The following THRB variants were observed in gnomAD, a reference collection of about 807,000 sequenced individuals.
THRB encodes the protein thyroid hormone receptor beta.
THRB carries 12 observed loss-of-function variants against 47.8 expected under a neutral mutation model. The ratio of observed to expected loss-of-function variants is 0.25; its 90% CI spans 0.16 to 0.41. THRB has a LOEUF of 0.41. Among genes scored for constraint, THRB ranks in the 10% least tolerant of loss-of-function variants. The pLI, the probability that THRB is intolerant of heterozygous loss-of-function variation, is 1.00. For missense variants in THRB, 348 were observed against 589.2 expected, an observed-to-expected ratio of 0.59 and a Z score of 4.24; for synonymous variants, 218 against 212.2, an observed-to-expected ratio of 1.03 and a Z score of -0.24.
At chr3:24,311,493 A>G (rs1240687683) in intron 2 of THRB, among the ~76,000 whole-genome samples, 3 of 152,124 alleles carry the variant, frequency 2.0e-5, no homozygotes, top group African/African-American at 7.2e-5. Context: ...AGAAAACCTG[A>G]TCTTAGATTA....
At chr3:24,267,603 A>G (rs958689589) in intron 3 of THRB, among the ~76,000 whole-genome samples, 1 of 152,138 alleles carries the variant, frequency 6.6e-6, no homozygotes, top group African/African-American at 2.4e-5. Context: ...TCTGATCACC[A>G]TTGATATTTG....
chr3:24,236,434 T>G (rs756043389), intron 3 of THRB, among the ~76,000 whole-genome samples: 1 of 151,998 alleles, frequency 6.6e-6, no homozygotes, highest in Non-Finnish European at 1.5e-5. Flanking sequence ...ATGTAAGGTA[T>G]TGGGAGACTT....
chr3:24,449,820 T>C (rs1390831670), intron 1 of THRB, among the ~76,000 whole-genome samples: 1 of 152,168 alleles, frequency 6.6e-6, no homozygotes, highest in African/African-American at 2.4e-5. Context: ...GAAGATTAAG[T>C]TTGAGTGAAT....
chr3:24,250,411 G>A (rs2050545337), intron 3 of THRB, among the ~76,000 whole-genome samples: 1 of 152,160 alleles, frequency 6.6e-6, no homozygotes. Context: ...TGAAATGTAT[G>A]AAGTGCCGGG....
At chr3:24,286,133 C>A (rs2055266106) in intron 3 of THRB, among the ~76,000 whole-genome samples, 1 of 152,178 alleles carries the variant, frequency 6.6e-6, no homozygotes, top group African/African-American at 2.4e-5. Context: ...GACAGTGAAT[C>A]TGCTGATACC....
rs919349456 is a variant in THRB at position 24,120,239 on chromosome 3, T to C, written c.*2645A>G. 1.3e-5 allele frequency: 2 copies of C among 152,212 alleles called. No homozygotes were observed. The highest frequency in any genetic ancestry group is 4.8e-5 in the African/African-American group (2 of 41,440). The allele number at this position is 152,212 out of a possible 1,614,324, so 9.4% of individuals were successfully genotyped here. On this transcript the variant is annotated 3_prime_UTR_variant, in exon 11 of 11. Coordinates refer to ENST00000646209, the MANE Select transcript of THRB (RefSeq NM_001354712.2). ...CAACCTGAAGGTGGGCTAAGGCTTG[T>C]CCTACTCCGCATGAAGTATTCAGCC...
At chr3:24,396,066 C>T (rs1434412830) in intron 1 of THRB, among the ~76,000 whole-genome samples, 1 of 151,958 alleles carries the variant, frequency 6.6e-6, no homozygotes, top group African/African-American at 2.4e-5. Flanking sequence ...GTGATGGTGA[C>T]ACAATTCTGT....
intron 1 of THRB, among the ~76,000 whole-genome samples, chr3:24,412,874 T>A (rs2068425698): frequency 6.6e-6 from 1 of 151,830 alleles, no homozygotes; most frequent in Admixed American, 6.6e-5. Context: ...CAGAAAATTT[T>A]AAAAATGAAT....
At chr3:24,157,875 A>G (rs909564636) in intron 5 of THRB, among the ~76,000 whole-genome samples, 1 of 152,210 alleles carries the variant, frequency 6.6e-6, no homozygotes, top group African/African-American at 2.4e-5. Context: ...GTATAGTTTA[A>G]TGTATAAGAA....
At chr3:24,326,532 G>A (rs1417510188) in intron 2 of THRB, among the ~76,000 whole-genome samples, 3 of 151,970 alleles carry the variant, frequency 2.0e-5, no homozygotes, top group African/African-American at 7.3e-5. Context: ...CACCGTTCCC[G>A]GCCAGTTACA....
At chr3:24,178,501 T>G (rs1482228135) in intron 5 of THRB, among the ~76,000 whole-genome samples, 4 of 152,126 alleles carry the variant, frequency 2.6e-5, no homozygotes, top group African/African-American at 9.7e-5. Context: ...AAAAAAATCA[T>G]GAGGAAACAT....
intron 2 of THRB, among the ~76,000 whole-genome samples, chr3:24,328,107 T>C (rs1454304158): frequency 6.6e-6 from 1 of 152,196 alleles, no homozygotes; most frequent in Admixed American, 6.5e-5. Context: ...TTGGGGTTTC[T>C]AGTTTGTTAA....
At chr3:24,444,453 AG>A (rs1248213400) in intron 1 of THRB, among the ~76,000 whole-genome samples, 3 of 152,232 alleles carry the variant, frequency 2.0e-5, no homozygotes, top group Admixed American at 6.5e-5. Flanking sequence ...AACCTTAAAA[AG>A]AATGCAGGAC....
intron 6 of THRB, among the ~76,000 whole-genome samples, chr3:24,150,340 A>C (rs2036722750): frequency 6.6e-6 from 1 of 152,150 alleles, no homozygotes; most frequent in African/African-American, 2.4e-5. Context: ...TTCACTTGAA[A>C]AACTCGTTTG....
intron 3 of THRB, among the ~76,000 whole-genome samples, chr3:24,262,888 A>T (rs1309304316): frequency 6.6e-6 from 1 of 152,142 alleles, no homozygotes; most frequent in Non-Finnish European, 1.5e-5. Flanking sequence ...ATCTCTAGAA[A>T]CTACAATGGT....
chr3:24,291,912 G>GTA lies in THRB; in HGVS notation c.-43+5312_-43+5313dup, dbSNP rs1030859708. ...CATAGTCATTTATGTAAATATATATGTATATATATATGTTCATTGTAGGTT... is the reference window on the plus strand; with the variant it reads ...CATAGTCATTTATGTAAATATATATGTATATATATATATGTTCATTGTAGGTT... On this transcript the variant is annotated intron_variant, in intron 3 of 10. Transcript: ENST00000646209. Among the ~76,000 whole-genome samples the GTA allele has an allele frequency of 9.2e-5, 14 of 151,872 alleles. No homozygotes were observed. The East Asian group carries it at 1.7e-3, about 19-fold the overall frequency.
chr3:24,372,754 T>A (rs1435593346), intron 1 of THRB, among the ~76,000 whole-genome samples: 3 of 152,108 alleles, frequency 2.0e-5, no homozygotes, highest in African/African-American at 7.2e-5. Flanking sequence ...TTAAATGACA[T>A]GCTCAATGTC....
chr3:24,344,241 T>C (rs948411244), intron 1 of THRB, among the ~76,000 whole-genome samples: 10 of 152,070 alleles, frequency 6.6e-5, no homozygotes, highest in African/African-American at 1.4e-4. Context: ...CAAGTAGGTG[T>C]ATAGTATTGC....
chr3:24,424,637 C>T (rs1028256995), intron 1 of THRB, among the ~76,000 whole-genome samples: 10 of 152,054 alleles, frequency 6.6e-5, no homozygotes, highest in African/African-American at 2.2e-4. Context: ...CTTCACTGTT[C>T]CTCAATATCT....
Sources: gnomAD v4.1 joint callset for allele counts (sites outside exome capture counted in the v4.1 genomes callset) on GRCh38, gnomAD v4.1.1 for gene constraint, MANE v1.5 for transcripts, NCBI Gene and HGNC (gene_info 2026-07-23, HGNC 2026-07-21) for gene names.